The following RTP2 variants were observed in gnomAD, a reference collection of about 807,000 sequenced individuals.
The protein encoded by RTP2 is receptor transporter protein 2.
A neutral mutation model predicts 17.9 loss-of-function variants in RTP2; 12 were observed. The observed-to-expected ratio is 0.67, with a 90% CI of 0.43 to 1.09. RTP2 has a LOEUF of 1.09. RTP2 is among the 50% of genes least tolerant of loss of function. The pLI is 0.00. For synonymous variants in RTP2, 126 were observed against 117.7 expected (o/e 1.07, Z -0.46); for missense variants, 327 against 295.7 (o/e 1.11, Z -0.78).
chr3:187,714,236 C>T, the RTP2 span, among the ~76,000 whole-genome samples: 2 of 152,180 alleles, frequency 1.3e-5, no homozygotes, highest in African/African-American at 4.8e-5. Context: ...TAAACCCCTG[C>T]CTCTCTCCAC....
upstream of RTP2, among the ~76,000 whole-genome samples, chr3:187,705,505 T>C (rs1045663574): frequency 6.6e-6 from 1 of 152,216 alleles, no homozygotes; most frequent in African/African-American, 2.4e-5. Flanking sequence ...ATATCTTTCC[T>C]TTTAAACACA....
chr3:187,705,912 A>G (rs150995032), upstream of RTP2, among the ~76,000 whole-genome samples: 46 of 152,336 alleles, frequency 3.0e-4, no homozygotes, highest in African/African-American at 1.1e-3. Flanking sequence ...AAATTGTTCA[A>G]GTGCATAAAA....
At chr3:187,708,970 T>C in the RTP2 span, among the ~76,000 whole-genome samples, 7 of 15,534 alleles carry the variant, frequency 4.5e-4, no homozygotes, top group Non-Finnish European at 2.6e-3. Context: ...TTTTTTTTCC[T>C]TTTTTTTTTT....
chr3:187,702,217 C>T lies in RTP2; in HGVS notation c.-89G>A, dbSNP rs570029445. 1.2e-4 allele frequency: 152 copies of T among 1,311,496 alleles called. 2 individuals carry two copies. In the South Asian group the frequency reaches 1.7e-3, roughly 15 times the overall value. The allele number at this position is 1,311,496 out of a possible 1,614,324, so 81.2% of individuals were successfully genotyped here. On this transcript the variant is annotated 5_prime_UTR_variant, in exon 1 of 2. Transcript: ENST00000358241. ...TAGGTACGGGACAATTCAGTGTCTA[C>T]GGTCAGAATCCTCATCGGCAGGACT...
intron 1 of RTP2, among the ~76,000 whole-genome samples, chr3:187,700,291 C>T (rs1229559650): frequency 6.6e-6 from 1 of 152,192 alleles, no homozygotes; most frequent in Non-Finnish European, 1.5e-5. Context: ...TCAGAGGAAC[C>T]TAGCTGGTAC....
At chr3:187,709,851 G>T in the RTP2 span, among the ~76,000 whole-genome samples, 1 of 152,152 alleles carries the variant, frequency 6.6e-6, no homozygotes, top group African/African-American at 2.4e-5. Flanking sequence ...ACCAAGGGGT[G>T]CTCAAATATC....
In RTP2 at chr3:187,698,607, G is replaced by C. The variant is rs569180222; in HGVS notation, c.569C>G (p.Ala190Gly). ...AGACAAGAAGTTGTAGCCGGATCCC[G>C]CCTGGGCCCTCGGCTTGGAGGCTTC... The change falls in exon 2 of 2, where the codon GCG (alanine) becomes GGG (glycine). Residue 190 changes from alanine (A) to glycine (G), a missense_variant. Coordinates refer to ENST00000358241, the Ensembl canonical transcript of RTP2. 21 of 1,614,080 alleles carry C rather than the reference G, an allele frequency of 1.3e-5. No individual in the cohort carries two copies. The South Asian group carries it at 1.9e-4, about 14-fold the overall frequency.
At chr3:187,707,359 C>T (rs920275074), upstream of RTP2, among the ~76,000 whole-genome samples, 2 of 152,158 alleles carry the variant, frequency 1.3e-5, no homozygotes, top group Non-Finnish European at 2.9e-5. Flanking sequence ...CCAATGTGAT[C>T]GTCTTTGGAA....
exon 2 of RTP2, chr3:187,698,810 G>T (rs774994527): frequency 6.2e-7 from 1 of 1,613,310 alleles, no homozygotes; most frequent in South Asian, 1.1e-5. Context: ...GCAGGCTGGT[G>T]ATGAGGTTGT....
intron 1 of RTP2, among the ~76,000 whole-genome samples, chr3:187,700,823 A>G (rs140114077): frequency 2.0e-4 from 30 of 152,338 alleles, no homozygotes; most frequent in African/African-American, 6.5e-4. Flanking sequence ...AGCACATAAC[A>G]GGTACCCAAT....
At chr3:187,707,487 G>T (rs991894386), upstream of RTP2, among the ~76,000 whole-genome samples, 1 of 152,132 alleles carries the variant, frequency 6.6e-6, no homozygotes, top group East Asian at 1.9e-4. Flanking sequence ...TGTTAAAGGG[G>T]TGCTTTTCCC....
the RTP2 span, among the ~76,000 whole-genome samples, chr3:187,709,623 T>G: frequency 3.9e-5 from 6 of 152,268 alleles, no homozygotes; most frequent in Non-Finnish European, 8.8e-5. Flanking sequence ...AGGCAGAGGT[T>G]GCAGTGAGCC....
At chr3:187,706,717 C>T (rs994981938), upstream of RTP2, among the ~76,000 whole-genome samples, 6 of 152,190 alleles carry the variant, frequency 3.9e-5, no homozygotes, top group African/African-American at 1.2e-4. Flanking sequence ...ATTCTCCTGC[C>T]TCAGCCTCCT....
upstream of RTP2, among the ~76,000 whole-genome samples, chr3:187,704,897 G>C (rs897306278): frequency 6.6e-6 from 1 of 152,170 alleles, no homozygotes; most frequent in African/African-American, 2.4e-5. Flanking sequence ...AATCTTCCCA[G>C]GAAGATTTTA....
chr3:187,711,647 G>T, the RTP2 span, among the ~76,000 whole-genome samples: 1 of 152,200 alleles, frequency 6.6e-6, no homozygotes. Context: ...TCAATTTAGA[G>T]AGATAATATG....
chr3:187,701,022 C>A (rs1186850436), intron 1 of RTP2, among the ~76,000 whole-genome samples: 1 of 152,200 alleles, frequency 6.6e-6, no homozygotes, highest in Non-Finnish European at 1.5e-5. Flanking sequence ...AGAAGCTTCA[C>A]ACACATACAC....
chr3:187,705,054 C>T (rs1717957322), upstream of RTP2, among the ~76,000 whole-genome samples: 1 of 152,108 alleles, frequency 6.6e-6, no homozygotes, highest in South Asian at 2.1e-4. Flanking sequence ...GTGACTATAT[C>T]TACTTATCCT....
At chr3:187,702,504 A>C (rs1439910265) in exon 1 of RTP2, 2 of 465,698 alleles carry the variant, frequency 4.3e-6, no homozygotes, top group Non-Finnish European at 8.6e-6. Flanking sequence ...GCTTCACCCA[A>C]CTGCTCTTCT....
At chr3:187,713,209 T>G in the RTP2 span, among the ~76,000 whole-genome samples, 1 of 152,204 alleles carries the variant, frequency 6.6e-6, no homozygotes, top group Admixed American at 6.5e-5. Flanking sequence ...ATGCAGGTGG[T>G]GGGCGCCATG....
Sources: gnomAD v4.1 joint callset for allele counts (sites outside exome capture counted in the v4.1 genomes callset) on GRCh38, gnomAD v4.1.1 for gene constraint, MANE v1.5 for transcripts, NCBI Gene and HGNC (gene_info 2026-07-23, HGNC 2026-07-21) for gene names.